Variants in BMAL2 observed in about 807,000 individuals in gnomAD.
BMAL2 encodes basic helix-loop-helix ARNT like 2.
the BMAL2 span, among the ~76,000 whole-genome samples, chr12:27,372,826 A>G: frequency 1.3e-5 from 2 of 151,630 alleles, no homozygotes; most frequent in Admixed American, 1.3e-4. Flanking sequence ...GGCGCCCACC[A>G]CCACACCTGG....
At chr12:27,352,282 G>A in the BMAL2 span, among the ~76,000 whole-genome samples, 1 of 152,212 alleles carries the variant, frequency 6.6e-6, no homozygotes, top group African/African-American at 2.4e-5. Flanking sequence ...AAAATCTGAA[G>A]TGCCAAAAAA....
At chr12:27,415,084 T>C in the BMAL2 span, among the ~76,000 whole-genome samples, 1 of 151,862 alleles carries the variant, frequency 6.6e-6, no homozygotes, top group Non-Finnish European at 1.5e-5. Flanking sequence ...GGCATGGAAA[T>C]GGGGAGAAGT....
chr12:27,363,046 C>T, the BMAL2 span, among the ~76,000 whole-genome samples: 3 of 152,142 alleles, frequency 2.0e-5, no homozygotes, highest in African/African-American at 7.2e-5. Context: ...CTTACGTGAT[C>T]CTCTTACCTT....
At chr12:27,410,255 G>A in the BMAL2 span, among the ~76,000 whole-genome samples, 47 of 152,282 alleles carry the variant, frequency 3.1e-4, no homozygotes, top group Admixed American at 7.2e-4. Flanking sequence ...GTATATACCC[G>A]AAGGATTATA....
chr12:27,385,342 T>G, the BMAL2 span: 1 of 552,508 alleles, frequency 1.8e-6, no homozygotes, highest in Non-Finnish European at 3.2e-6. Context: ...TAAATGAAAA[T>G]GAAAAAAAAA....
chr12:27,380,490 T>C, the BMAL2 span: 1 of 1,436,250 alleles, frequency 7.0e-7, no homozygotes. Flanking sequence ...TGCTGTCAGC[T>C]GTTGAGGTTC....
At chr12:27,368,736 G>A in the BMAL2 span, among the ~76,000 whole-genome samples, 9 of 152,274 alleles carry the variant, frequency 5.9e-5, no homozygotes, top group South Asian at 1.7e-3. Context: ...CACCTTGGAT[G>A]TTTGATTTAA....
At chr12:27,365,667 T>A in the BMAL2 span, among the ~76,000 whole-genome samples, 2 of 151,864 alleles carry the variant, frequency 1.3e-5, no homozygotes, top group Non-Finnish European at 2.9e-5. Flanking sequence ...GCATGATTTT[T>A]AATGGTATTT....
chr12:27,337,345 T>G, the BMAL2 span, among the ~76,000 whole-genome samples: 3 of 152,346 alleles, frequency 2.0e-5, no homozygotes, highest in East Asian at 5.8e-4. Context: ...AGAAATATAC[T>G]TTATCATATT....
At chr12:27,360,437 A>T in the BMAL2 span, among the ~76,000 whole-genome samples, 27,847 of 152,064 alleles carry the variant, frequency 0.18, 3,163 homozygotes, top group African/African-American at 0.3. Flanking sequence ...CTTGATAATT[A>T]TGCTGGGGTT....
the BMAL2 span, among the ~76,000 whole-genome samples, chr12:27,408,959 CAG>C: frequency 1.3e-5 from 2 of 152,122 alleles, no homozygotes; most frequent in Non-Finnish European, 2.9e-5. Flanking sequence ...AACAGACAAA[CAG>C]AGAGCCAAAT....
chr12:27,365,999 G>A, the BMAL2 span, among the ~76,000 whole-genome samples: 7 of 151,610 alleles, frequency 4.6e-5, no homozygotes, highest in East Asian at 1.9e-4. Context: ...CTTATGCATT[G>A]TGTGACATTT....
the BMAL2 span, among the ~76,000 whole-genome samples, chr12:27,350,297 G>C: frequency 6.6e-6 from 1 of 152,340 alleles, no homozygotes; most frequent in East Asian, 1.9e-4. Context: ...TCAAAAATCA[G>C]TATAGTTATC....
At chr12:27,404,816 G>A in the BMAL2 span, among the ~76,000 whole-genome samples, 4 of 152,182 alleles carry the variant, frequency 2.6e-5, no homozygotes, top group African/African-American at 7.2e-5. Context: ...CGCCTCACCC[G>A]GAAAGCGCAA....
the BMAL2 span, among the ~76,000 whole-genome samples, chr12:27,372,943 G>A: frequency 2.0e-5 from 3 of 152,168 alleles, no homozygotes; most frequent in Non-Finnish European, 4.4e-5. Flanking sequence ...AAAGTGCTGG[G>A]ATTACAGGCG....
the BMAL2 span, among the ~76,000 whole-genome samples, chr12:27,405,593 T>A: frequency 6.6e-6 from 1 of 152,112 alleles, no homozygotes; most frequent in African/African-American, 2.4e-5. Context: ...CAAAACTCCA[T>A]CTGTACGTCA....
chr12:27,389,657 A>G, the BMAL2 span: 484 of 190,940 alleles, frequency 2.5e-3, 3 homozygotes, highest in African/African-American at 0.011. Flanking sequence ...TCTTTTTTAT[A>G]TGGATTAGGT....
the BMAL2 span, chr12:27,421,113 G>A: frequency 6.6e-6 from 1 of 152,194 alleles, no homozygotes; most frequent in African/African-American, 2.4e-5. Flanking sequence ...TTTATGCTCA[G>A]TTGAGCACTT....
At chr12:27,390,292 C>T in the BMAL2 span, 1 of 1,546,774 alleles carries the variant, frequency 6.5e-7, no homozygotes, top group Non-Finnish European at 8.9e-7. Context: ...AATTAATGTC[C>T]TAAATATTTT....
Sources: gnomAD v4.1 joint callset for allele counts (sites outside exome capture counted in the v4.1 genomes callset) on GRCh38, gnomAD v4.1.1 for gene constraint, MANE v1.5 for transcripts, NCBI Gene and HGNC (gene_info 2026-07-23, HGNC 2026-07-21) for gene names.